Variants in FIBCD1 observed in about 807,000 individuals in gnomAD.
The protein encoded by FIBCD1 is fibrinogen C domain-containing protein 1.
Under a neutral mutation model 45.1 loss-of-function variants are expected in FIBCD1, and 47 were observed. The ratio of observed to expected loss-of-function variants is 1.04; its 90% CI spans 0.82 to 1.33. FIBCD1 has a LOEUF of 1.33. FIBCD1 is among the 40% of genes most tolerant of loss of function. FIBCD1 has a pLI of 0.00. For synonymous variants in FIBCD1, 313 were observed against 308.1 expected (o/e 1.02, Z -0.17); for missense variants, 653 against 682.2 (o/e 0.96, Z 0.48).
chr9:130,922,083 C>G lies in FIBCD1; in HGVS notation c.849+1661G>C, dbSNP rs1199166694. On this transcript the variant is annotated intron_variant, in intron 4 of 6. Transcript: ENST00000372338. The surrounding 1 kb of genome is among the most constrained non-coding windows in gnomAD (Gnocchi z 4.5). ...CCTGCACCCCTGCCTCCCCCAAAAACTCCCCGCCAAGAGGCTTCCCTCTCT... is the reference window on the plus strand; with the variant it reads ...CCTGCACCCCTGCCTCCCCCAAAAAGTCCCCGCCAAGAGGCTTCCCTCTCT... Among the ~76,000 whole-genome samples the G allele has an allele frequency of 1.3e-5, 2 of 152,244 alleles. No homozygotes were observed. Among genetic ancestry groups the G allele is most frequent in the Non-Finnish European group, 2.9e-5 (2 of 68,048 alleles).
At chr9:130,928,948 C>T (rs749990514) in intron 2 of FIBCD1, among the ~76,000 whole-genome samples, 1 of 151,822 alleles carries the variant, frequency 6.6e-6, no homozygotes. Context: ...GTCTCAGAGC[C>T]GAAGCTGGAA....
At chr9:130,923,980 C>T in intron 3 of FIBCD1, 100 bp from the exon 4 acceptor site, 1 of 1,561,782 alleles carries the variant, frequency 6.4e-7, no homozygotes, top group South Asian at 1.2e-5. Flanking sequence ...TGTGGGGTCC[C>T]ATGGGGTTGA....
At chr9:130,911,586 C>G (rs1036391059) in intron 5 of FIBCD1, among the ~76,000 whole-genome samples, 1 of 152,240 alleles carries the variant, frequency 6.6e-6, no homozygotes, top group Non-Finnish European at 1.5e-5. Context: ...GGAGCCCACC[C>G]ACGCTGACAC....
intron 6 of FIBCD1, among the ~76,000 whole-genome samples, chr9:130,904,963 T>C (rs1831900224): frequency 6.6e-6 from 1 of 152,218 alleles, no homozygotes. Context: ...TGAGGGATCC[T>C]TGGTAAGGAA....
chr9:130,924,094 G>T, intron 3 of FIBCD1, 143 bp downstream of exon 3: 1 of 1,285,812 alleles, frequency 7.8e-7, no homozygotes, highest in Non-Finnish European at 1.0e-6. Context: ...CTGGAGAATG[G>T]ACCGAGAGGG....
intron 4 of FIBCD1, among the ~76,000 whole-genome samples, chr9:130,923,333 T>C (rs1484468951): frequency 6.6e-6 from 1 of 152,142 alleles, no homozygotes; most frequent in Non-Finnish European, 1.5e-5. Flanking sequence ...TCCTCCTTTT[T>C]CTTCTGCACA....
At chr9:130,940,235 C>T (rs1832600405), upstream of FIBCD1, among the ~76,000 whole-genome samples, 1 of 152,266 alleles carries the variant, frequency 6.6e-6, no homozygotes, top group Non-Finnish European at 1.5e-5. Context: ...GACCCCGGAG[C>T]GGGGGACCCT....
intron 4 of FIBCD1, among the ~76,000 whole-genome samples, chr9:130,919,385 CACTGCCTCT>C (rs1832219349): frequency 6.6e-6 from 1 of 152,184 alleles, no homozygotes; most frequent in Non-Finnish European, 1.5e-5. Flanking sequence ...CCCCTGCCAC[CACTGCCTCT>C]GGGACAAGGA....
intron 2 of FIBCD1, among the ~76,000 whole-genome samples, chr9:130,927,373 T>A (rs1363184069): frequency 6.6e-6 from 1 of 152,048 alleles, no homozygotes; most frequent in African/African-American, 2.4e-5. Flanking sequence ...ACCATGAGTA[T>A]CCCCCACGTG....
intron 5 of FIBCD1, among the ~76,000 whole-genome samples, chr9:130,905,831 G>A (rs1803993629): frequency 6.6e-6 from 1 of 152,180 alleles, no homozygotes; most frequent in African/African-American, 2.4e-5. Flanking sequence ...CAGGATGCTT[G>A]TCCCTACTCC....
intron 4 of FIBCD1, among the ~76,000 whole-genome samples, chr9:130,912,164 T>C (rs550514263): frequency 1.5e-3 from 222 of 150,946 alleles, no homozygotes; most frequent in African/African-American, 5.2e-3. Context: ...AGGCCGGGCA[T>C]GGTGGCTCAT....
In FIBCD1 at chr9:130,939,241, C is replaced by G. The variant is rs1588115776; in HGVS notation, c.-634G>C. ...AAGTCACCATGCGCGGGGCGGGCCC[C>G]GAGGGCGCCCCCGCCGGCCGGTTCG... On this transcript the variant is annotated 5_prime_UTR_variant, in exon 1 of 7. Transcript: ENST00000372338. 1 of 152,176 alleles carries G rather than the reference C, an allele frequency of 6.6e-6. No homozygotes were observed. Among genetic ancestry groups the G allele is most frequent in the East Asian group, 2.0e-4 (1 of 5,114 alleles). The allele number at this position is 152,176 out of a possible 1,614,324, so 9.4% of individuals were successfully genotyped here.
rs560128876 is a variant in FIBCD1 at position 130,922,952 on chromosome 9, C to T, written c.849+792G>A. Among the ~76,000 whole-genome samples the T allele has an allele frequency of 5.3e-5, 8 of 152,324 alleles. No homozygotes were observed. In the East Asian group the frequency reaches 1.5e-3, roughly 29 times the overall value. ...CCCCTTCTCCAGGAAGCTTTACCCT[C>T]CCCTCTGCTACAGTGACTTCTTCCG... On this transcript the variant is annotated intron_variant, in intron 4 of 6. Transcript: ENST00000372338. This position sits in a 1 kb window ranked among gnomAD's most constrained non-coding sequence, Gnocchi z 4.5.
Position 130,929,924 on chromosome 9 carries a change from T to G in FIBCD1, c.195A>C (p.Pro65=), listed in dbSNP as rs1564340663. 1 of 1,548,842 alleles carries G rather than the reference T, an allele frequency of 6.5e-7. No individual in the cohort carries two copies. ...NHAHAPGTAP[P]PVVSTGAASA... Reference sequence around the variant, plus strand: ...TGGCAGCCCCAGTGCTGACGACAGGTGGGGGCGCCGTGCCCGGCGCGTGGG... The same window carrying G: ...TGGCAGCCCCAGTGCTGACGACAGGGGGGGGCGCCGTGCCCGGCGCGTGGG... Residue 65 remains proline (P), a synonymous_variant, in exon 2 of 7, where the codon CCA becomes CCC. Coordinates refer to ENST00000372338, the MANE Select transcript of FIBCD1 (RefSeq NM_032843.5).
intron 4 of FIBCD1, among the ~76,000 whole-genome samples, chr9:130,918,675 C>A (rs920071784): frequency 2.0e-5 from 3 of 152,198 alleles, no homozygotes; most frequent in Non-Finnish European, 4.4e-5. Flanking sequence ...CCTGGGGCGG[C>A]TCTGCGGCAT....
Position 130,904,006 on chromosome 9 carries a change from G to A in FIBCD1, c.*58C>T. On this transcript the variant is annotated 3_prime_UTR_variant, in exon 7 of 7. Coordinates refer to ENST00000372338, the MANE Select transcript of FIBCD1 (RefSeq NM_032843.5). ...GTGGAGAACATTCACGAAAGAGTGA[G>A]GTGGGGTCGGGGATGGGGCGACAGG... The A allele has an allele frequency of 6.3e-7, 1 of 1,582,968 alleles. No individual in the cohort carries two copies. Among genetic ancestry groups the A allele is most frequent in the East Asian group, 2.3e-5 (1 of 43,324 alleles).
chr9:130,904,921 A>G (rs1167090826), intron 6 of FIBCD1, among the ~76,000 whole-genome samples: 14 of 152,220 alleles, frequency 9.2e-5, no homozygotes, highest in Admixed American at 5.9e-4. Flanking sequence ...CTTTTATGAC[A>G]TGCAACTGAA....
intron 4 of FIBCD1, among the ~76,000 whole-genome samples, chr9:130,914,876 C>A (rs560714349): frequency 6.6e-6 from 1 of 152,180 alleles, no homozygotes; most frequent in East Asian, 1.9e-4. Context: ...AGACTCAGCT[C>A]GGGGGCTGCG....
rs1486020844 is a variant in FIBCD1 at position 130,903,127 on chromosome 9, G to C, written c.*937C>G. On this transcript the variant is annotated 3_prime_UTR_variant, in exon 7 of 7. Transcript: ENST00000372338. ...GAGGCCTCAGGACCCTGGAGTCCCT[G>C]GGAAATTGGTGGTGGGGGTTGTACA... 6.6e-6 allele frequency: 1 copy of C among 152,506 alleles called. No individual in the cohort carries two copies. The highest frequency in any genetic ancestry group is 1.5e-5 in the Non-Finnish European group (1 of 68,322). The allele number at this position is 152,506 out of a possible 1,614,324, so 9.4% of individuals were successfully genotyped here. A position where few individuals can be genotyped will look rare whatever the true frequency, so the allele number is the denominator to read the frequency against.
Sources: allele counts gnomAD v4.1 joint callset (sites outside exome capture counted in the v4.1 genomes callset), GRCh38; gene constraint gnomAD v4.1.1; non-coding constraint Gnocchi (gnomAD v3.1); transcripts MANE v1.5; gene names NCBI Gene and HGNC (gene_info 2026-07-23, HGNC 2026-07-21).